CLVS1: variants seen among roughly 807,000 people sequenced by gnomAD.
CLVS1 encodes clavesin 1, also known as clavesin-1.
A neutral mutation model predicts 33.1 loss-of-function variants in CLVS1; 10 were observed. The observed-to-expected ratio is 0.30, with a 90% CI of 0.19 to 0.51. The LOEUF is 0.51. CLVS1 is among the 20% of genes least tolerant of loss of function. The probability of loss-of-function intolerance (pLI) is 0.97; values close to 1 mark genes in which losing one functional copy is unlikely to be tolerated. For synonymous variants in CLVS1, 163 were observed against 166.1 expected, an observed-to-expected ratio of 0.98 and a Z score of 0.14; for missense variants, 343 against 433.4, an observed-to-expected ratio of 0.79 and a Z score of 1.85.
At chr8:60,988,568 G>A in the CLVS1 span, among the ~76,000 whole-genome samples, 129 of 152,156 alleles carry the variant, frequency 8.5e-4, no homozygotes, top group Non-Finnish European at 1.6e-3. Context: ...GCTAGCCAGA[G>A]CAATAAAATT....
At chr8:61,240,189 C>G (rs1808662173) in intron 2 of CLVS1, among the ~76,000 whole-genome samples, 1 of 152,226 alleles carries the variant, frequency 6.6e-6, no homozygotes, top group South Asian at 2.1e-4. Context: ...AAACTCTCCA[C>G]AACTTCCCAC....
At chr8:61,043,032 T>C in the CLVS1 span, among the ~76,000 whole-genome samples, 1 of 152,210 alleles carries the variant, frequency 6.6e-6, no homozygotes, top group African/African-American at 2.4e-5. Flanking sequence ...TGAGTTGATG[T>C]TGATTCCTCC....
intron 2 of CLVS1, among the ~76,000 whole-genome samples, chr8:61,357,492 TTC>T: frequency 1.6e-5 from 2 of 128,142 alleles, no homozygotes; most frequent in South Asian, 2.7e-4. Context: ...CCTTTTTCTT[TTC>T]TTTTTTTTTT....
At chr8:61,140,775 C>A (rs576696983) in intron 2 of CLVS1, among the ~76,000 whole-genome samples, 1 of 152,192 alleles carries the variant, frequency 6.6e-6, no homozygotes, top group African/African-American at 2.4e-5. Context: ...ACCGTGTTAG[C>A]CAGGATGGTC....
intron 4 of CLVS1, among the ~76,000 whole-genome samples, chr8:61,455,572 C>T (rs571837364): frequency 2.6e-5 from 4 of 152,212 alleles, no homozygotes; most frequent in Non-Finnish European, 4.4e-5. Context: ...GTATTCCTCT[C>T]GGTATATATC....
intron 1 of CLVS1, among the ~76,000 whole-genome samples, chr8:61,288,778 T>G (rs1380866567): frequency 6.6e-6 from 1 of 152,162 alleles, no homozygotes; most frequent in Non-Finnish European, 1.5e-5. Context: ...GGAAGCAGGG[T>G]GGGGGTGACC....
chr8:61,425,120 A>T (rs1276859547), intron 3 of CLVS1, among the ~76,000 whole-genome samples: 1 of 152,190 alleles, frequency 6.6e-6, no homozygotes, highest in Non-Finnish European at 1.5e-5. Flanking sequence ...ACTACTACTC[A>T]AATTTATCAA....
At chr8:61,042,437 G>A in the CLVS1 span, among the ~76,000 whole-genome samples, 1 of 152,166 alleles carries the variant, frequency 6.6e-6, no homozygotes, top group African/African-American at 2.4e-5. Flanking sequence ...CAGGAACTAG[G>A]TGGCTTATAA....
intron 2 of CLVS1, among the ~76,000 whole-genome samples, chr8:61,244,012 A>G (rs1455055248): frequency 6.6e-6 from 1 of 152,158 alleles, no homozygotes; most frequent in Non-Finnish European, 1.5e-5. Context: ...CCCCAAATCA[A>G]TACTTGTTAT....
intron 2 of CLVS1, among the ~76,000 whole-genome samples, chr8:61,339,854 G>T (rs868195759): frequency 7.2e-6 from 1 of 138,142 alleles, no homozygotes; most frequent in Non-Finnish European, 1.5e-5. Flanking sequence ...GGAAGAAAAA[G>T]AAATAGAAAA....
intron 3 of CLVS1, among the ~76,000 whole-genome samples, chr8:61,407,655 G>A (rs1407013292): frequency 6.6e-6 from 1 of 152,156 alleles, no homozygotes; most frequent in South Asian, 2.1e-4. Flanking sequence ...GAAAGAAATT[G>A]AATGTTCAAT....
intron 2 of CLVS1, among the ~76,000 whole-genome samples, chr8:61,375,874 C>T (rs1490305734): frequency 2.0e-5 from 3 of 152,132 alleles, no homozygotes; most frequent in Non-Finnish European, 4.4e-5. Context: ...ACAAAAATCA[C>T]GTGGCAAATG....
At chr8:61,033,592 C>T in the CLVS1 span, among the ~76,000 whole-genome samples, 1 of 152,202 alleles carries the variant, frequency 6.6e-6, no homozygotes, top group Admixed American at 6.5e-5. Flanking sequence ...TCTCCTGCCT[C>T]CACGGACTTG....
chr8:61,485,299 C>T (rs1341565178), intron 5 of CLVS1, among the ~76,000 whole-genome samples: 3 of 152,190 alleles, frequency 2.0e-5, no homozygotes, highest in African/African-American at 4.8e-5. Flanking sequence ...TGAACAGACA[C>T]TTCTCAAAAG....
intron 2 of CLVS1, among the ~76,000 whole-genome samples, chr8:61,136,977 G>C (rs1303802945): frequency 6.6e-6 from 1 of 152,218 alleles, no homozygotes; most frequent in East Asian, 1.9e-4. Flanking sequence ...TCATGGAAGA[G>C]AATGTGATCA....
chr8:61,111,923 A>G (rs1022822606), intron 1 of CLVS1, among the ~76,000 whole-genome samples: 1 of 152,204 alleles, frequency 6.6e-6, no homozygotes, highest in Admixed American at 6.5e-5. Flanking sequence ...TCTCCAATTC[A>G]CAGTCTTCTT....
At chr8:61,433,597 G>T (rs1383209813) in intron 3 of CLVS1, among the ~76,000 whole-genome samples, 1 of 152,034 alleles carries the variant, frequency 6.6e-6, no homozygotes. Flanking sequence ...TGCTTACACG[G>T]TGCCCTGGAG....
chr8:61,220,409 A>G (rs1808182833), intron 2 of CLVS1, among the ~76,000 whole-genome samples: 1 of 152,188 alleles, frequency 6.6e-6, no homozygotes, highest in South Asian at 2.1e-4. Flanking sequence ...CATTTACTGA[A>G]TAGGAGATTC....
chr8:60,978,883 A>G, the CLVS1 span, among the ~76,000 whole-genome samples: 2 of 151,952 alleles, frequency 1.3e-5, no homozygotes, highest in South Asian at 2.1e-4. Context: ...ATGGTACACT[A>G]TAACACTATA....
Sources: allele counts gnomAD v4.1 joint callset (sites outside exome capture counted in the v4.1 genomes callset), GRCh38; gene constraint gnomAD v4.1.1; transcripts MANE v1.5; gene names NCBI Gene and HGNC (gene_info 2026-07-23, HGNC 2026-07-21).